RBFOX1: variants seen among roughly 807,000 people sequenced by gnomAD.
RBFOX1 encodes RNA binding protein fox-1 homolog 1.
RBFOX1 carries 8 observed loss-of-function variants against 57.7 expected under a neutral mutation model. The observed-to-expected ratio is 0.14, with a 90% confidence interval of 0.08 to 0.25. The LOEUF is 0.25. Ranked by LOEUF, RBFOX1 falls within the 10% of genes least tolerant of loss-of-function variation. The pLI is 1.00. For missense variants in RBFOX1, 611 were observed against 548.5 expected (o/e 1.11, Z -1.14); for synonymous variants, 326 against 222.4 (o/e 1.47, Z -4.15).
chr16:5,568,180 C>T (rs2046140311), intron 2 of RBFOX1, among the ~76,000 whole-genome samples: 1 of 152,222 alleles, frequency 6.6e-6, no homozygotes, highest in Non-Finnish European at 1.5e-5. Flanking sequence ...CCTGTGCCCT[C>T]TCCTTCCTCG....
chr16:6,647,173 CAGAGAGAGAG>C (rs140389660), intron 2 of RBFOX1, among the ~76,000 whole-genome samples: 20 of 150,728 alleles, frequency 1.3e-4, no homozygotes, highest in South Asian at 2.1e-4. Flanking sequence ...CTTACGCTAC[CAGAGAGAGAG>C]AGAGAGAGAA....
intron 3 of RBFOX1, among the ~76,000 whole-genome samples, chr16:6,863,238 G>T (rs2059323388): frequency 6.6e-6 from 1 of 152,092 alleles, no homozygotes. Context: ...CCAACCTAAA[G>T]GCAAGACCCT....
chr16:5,960,907 A>G (rs762712773), intron 4 of RBFOX1, among the ~76,000 whole-genome samples: 1 of 152,210 alleles, frequency 6.6e-6, no homozygotes, highest in Non-Finnish European at 1.5e-5. Flanking sequence ...CCATAAGCCC[A>G]TTAAACAGAA....
At chr16:6,845,629 C>T (rs1326365485) in intron 3 of RBFOX1, among the ~76,000 whole-genome samples, 1 of 151,760 alleles carries the variant, frequency 6.6e-6, no homozygotes, top group South Asian at 2.1e-4. Flanking sequence ...AGGACACTAT[C>T]ACTTACGACC....
chr16:6,063,039 C>T (rs570422964), intron 1 of RBFOX1, among the ~76,000 whole-genome samples: 1 of 152,288 alleles, frequency 6.6e-6, no homozygotes, highest in Admixed American at 6.5e-5. Context: ...CCCTGACATA[C>T]AGTCAGCTGT....
At chr16:5,595,496 G>A (rs184535454) in intron 2 of RBFOX1, among the ~76,000 whole-genome samples, 5 of 152,332 alleles carry the variant, frequency 3.3e-5, no homozygotes, top group African/African-American at 7.2e-5. Flanking sequence ...ATGGCAGACA[G>A]CGACCAGAGT....
Position 6,578,598 on chromosome 16 carries a change from C to CGTGTGTGTGTGTGTGTGTGTGT in RBFOX1, c.-63-75990_-63-75989insTGTGTGTGTGTGTGTGTGTGTG, listed in dbSNP as rs57470848. ...TCGGCTATGGGTATTGGTGTGTGTG[C>CGTGTGTGTGTGTGTGTGTGTGT]GTGTGTGTGTGTGTGAGCATGGGAG... On this transcript the variant is annotated intron_variant, in intron 2 of 15. Coordinates refer to ENST00000550418, the MANE Select transcript of RBFOX1 (RefSeq NM_018723.4). Among the ~76,000 whole-genome samples, 104 of 110,748 alleles carry CGTGTGTGTGTGTGTGTGTGTGT rather than the reference C, an allele frequency of 9.4e-4. 1 individual carries two copies. The highest frequency in any genetic ancestry group is 2.9e-3 in the African/African-American group (100 of 34,882). The allele number at this position is 110,748 out of a possible 152,430, so 72.7% of individuals were successfully genotyped here. A position where few individuals can be genotyped will look rare whatever the true frequency, so the allele number is the denominator to read the frequency against.
intron 1 of RBFOX1, among the ~76,000 whole-genome samples, chr16:6,165,041 A>G (rs17804401): frequency 0.16 from 23,975 of 152,118 alleles, 2,500 homozygotes; most frequent in Middle Eastern, 0.22. Flanking sequence ...TAACTTAAGC[A>G]TTTGGATTCT....
At chr16:7,373,559 C>T (rs544972250) in intron 4 of RBFOX1, among the ~76,000 whole-genome samples, 15 of 152,194 alleles carry the variant, frequency 9.9e-5, no homozygotes, top group African/African-American at 2.2e-4. Flanking sequence ...AGAGAGTGCC[C>T]GGGCAAGCCT....
chr16:7,090,383 G>C (rs1241375127), intron 4 of RBFOX1, among the ~76,000 whole-genome samples: 1 of 152,158 alleles, frequency 6.6e-6, no homozygotes, highest in African/African-American at 2.4e-5. Context: ...GTGTGGGGTA[G>C]ATGGTATAGT....
chr16:5,387,854 T>C (rs1342210144), intron 1 of RBFOX1, among the ~76,000 whole-genome samples: 2 of 152,144 alleles, frequency 1.3e-5, no homozygotes, highest in Admixed American at 1.3e-4. Context: ...CCCAGCGGGA[T>C]TGATGTAATC....
chr16:6,038,691 A>C (rs1015021306), intron 1 of RBFOX1: 3 of 149,526 alleles, frequency 2.0e-5, no homozygotes, highest in African/African-American at 7.3e-5. Context: ...CAAAATGAAT[A>C]AAGTTCATTA....
intron 4 of RBFOX1, among the ~76,000 whole-genome samples, chr16:7,214,562 C>G (rs998497524): frequency 1.3e-5 from 2 of 151,980 alleles, no homozygotes; most frequent in Admixed American, 1.3e-4. Context: ...CTTGGTCACC[C>G]CACTAGCTGT....
chr16:5,758,316 G>C (rs2053471412), intron 3 of RBFOX1, among the ~76,000 whole-genome samples: 1 of 152,086 alleles, frequency 6.6e-6, no homozygotes, highest in Non-Finnish European at 1.5e-5. Context: ...TTACCTCTCG[G>C]CTCTATTATA....
chr16:5,534,175 C>G (rs529475349), intron 2 of RBFOX1, among the ~76,000 whole-genome samples: 1 of 152,086 alleles, frequency 6.6e-6, no homozygotes, highest in African/African-American at 2.4e-5. Flanking sequence ...GCAAGGGTGG[C>G]TGGGAAAGGG....
intron 2 of RBFOX1, among the ~76,000 whole-genome samples, chr16:6,631,074 G>T (rs529970336): frequency 1.2e-4 from 19 of 152,068 alleles, no homozygotes; most frequent in Admixed American, 5.2e-4. Flanking sequence ...TAGAGAGAGA[G>T]GGCATTTGGA....
At chr16:6,136,672 AATG>A (rs1315955073) in intron 1 of RBFOX1, among the ~76,000 whole-genome samples, 1 of 152,158 alleles carries the variant, frequency 6.6e-6, no homozygotes, top group Non-Finnish European at 1.5e-5. Flanking sequence ...CACAAAAGGA[AATG>A]ATGATGTGTT....
intron 3 of RBFOX1, among the ~76,000 whole-genome samples, chr16:5,623,871 T>C (rs1182047133): frequency 6.6e-6 from 1 of 152,198 alleles, no homozygotes; most frequent in Non-Finnish European, 1.5e-5. Context: ...TCATATACAG[T>C]ACAATTCACC....
intron 1 of RBFOX1, among the ~76,000 whole-genome samples, chr16:6,290,146 T>A (rs190036482): frequency 5.5e-5 from 8 of 146,660 alleles, no homozygotes; most frequent in African/African-American, 7.5e-5. Flanking sequence ...CTACCTTTTT[T>A]ATGAATTTTG....
Sources: allele counts gnomAD v4.1 joint callset (sites outside exome capture counted in the v4.1 genomes callset), GRCh38; gene constraint gnomAD v4.1.1; transcripts MANE v1.5; gene names NCBI Gene and HGNC (gene_info 2026-07-23, HGNC 2026-07-21).